TBC1D9B: variants seen among roughly 807,000 people sequenced by gnomAD.
The protein encoded by TBC1D9B is TBC1 domain family member 9B, also known as TBC1 domain family, member 9B (with GRAM domain).
A neutral mutation model predicts 121.1 loss-of-function variants in TBC1D9B; 87 were observed. The observed-to-expected ratio is 0.72, with a 90% CI of 0.60 to 0.86. The LOEUF is 0.86. Ranked by LOEUF, TBC1D9B falls within the 40% of genes least tolerant of loss-of-function variation. The probability of loss-of-function intolerance (pLI) is 0.00; values close to 1 mark genes in which losing one functional copy is unlikely to be tolerated. For missense variants in TBC1D9B, 1,540 were observed against 1,628.6 expected (o/e 0.95, Z 0.94); for synonymous variants, 668 against 670.1 (o/e 1.00, Z 0.05).
rs79804211 is a variant in TBC1D9B at position 179,903,330 on chromosome 5, G to A, written c.229+1372C>T. Among the ~76,000 whole-genome samples, 207 of 152,362 alleles carry A rather than the reference G, an allele frequency of 1.4e-3. 1 individual carries two copies. Among genetic ancestry groups the A allele is most frequent in the Non-Finnish European group, 2.4e-3 (160 of 68,042 alleles). ...GGCACACAGGAAGCACTGTCTGAGC[G>A]TCAGCTAGGACTGTCATTTTCTCAG... On this transcript the variant is annotated intron_variant, in intron 2 of 20. Transcript: ENST00000355235.
chr5:179,876,999 A>C (rs1372666504), intron 10 of TBC1D9B, among the ~76,000 whole-genome samples: 1 of 139,784 alleles, frequency 7.2e-6, no homozygotes, highest in Non-Finnish European at 1.5e-5. Flanking sequence ...TGAGCCCAGT[A>C]GGTGGAGGCT....
At chr5:179,867,327 A>C (rs1008795256) in intron 18 of TBC1D9B, 3 of 1,173,024 alleles carry the variant, frequency 2.6e-6, no homozygotes, top group Non-Finnish European at 2.4e-6. Context: ...CTCAGAACTT[A>C]TGCCCCAGAG....
rs766494554 is a variant in TBC1D9B at position 179,875,204 on chromosome 5, C to T, written c.1901-17G>A. 1.1e-5 allele frequency: 17 copies of T among 1,609,062 alleles called. No homozygotes were observed. Among genetic ancestry groups the T allele is most frequent in the African/African-American group, 2.7e-5 (2 of 74,858 alleles). On this transcript the variant is annotated splice_polypyrimidine_tract_variant and intron_variant, in intron 11 of 20. Transcript: ENST00000355235. The surrounding 1 kb of genome is among the most constrained non-coding windows in gnomAD (Gnocchi z 4.5). The stretch of plus-strand genomic sequence containing the variant: ...CCAGGGCTCCTGCGGGCAGGATGAG[C>T]GAGGCTGATGGTGAGCCCACCCTGT...
In TBC1D9B at chr5:179,893,232, G is replaced by C; in HGVS notation, c.813C>G (p.His271Gln). ...ACCGCTTCAGGGCTGAGATGTTCCTGTGTGGCCGGATGGGCCTAGGCAGGG... is the reference window on the plus strand; with the variant it reads ...ACCGCTTCAGGGCTGAGATGTTCCTCTGTGGCCGGATGGGCCTAGGCAGGG... ...DKALPRPIRP[H>Q]RNISALKRDL... The change falls in exon 5 of 21, where the codon CAC becomes CAG. Residue 271 changes from histidine (H) to glutamine (Q), a missense_variant. Transcript: ENST00000355235. The C allele has an allele frequency of 6.2e-7, 1 of 1,611,850 alleles. No homozygotes were observed. The highest frequency in any genetic ancestry group is 8.5e-7 in the Non-Finnish European group (1 of 1,179,348).
rs573203001 is a variant in TBC1D9B, at chr5:179,893,152, C to T, written c.836+57G>A. ...CACACTTGGACCAGGCAGGTCCCAGCCAAGGTCAGCGAACCTGGCTCACAT... is the reference window on the plus strand; with the variant it reads ...CACACTTGGACCAGGCAGGTCCCAGTCAAGGTCAGCGAACCTGGCTCACAT... On this transcript the variant is annotated intron_variant, in intron 5 of 20. Transcript: ENST00000355235. The T allele has an allele frequency of 8.9e-4, 1,376 of 1,541,928 alleles. 1 individual carries two copies. The highest frequency in any genetic ancestry group is 1.2e-3 in the Admixed American group (66 of 54,300).
intron 7 of TBC1D9B, 35 bp from the exon 8 acceptor site, chr5:179,879,824 A>AAC (rs1363635234): frequency 1.9e-6 from 3 of 1,569,552 alleles, no homozygotes; most frequent in Non-Finnish European, 2.6e-6. Context: ...ACGCCCTAAC[A>AAC]ACTGTGCTGC....
chr5:179,898,744 T>C (rs564534792), intron 3 of TBC1D9B, among the ~76,000 whole-genome samples: 2 of 152,242 alleles, frequency 1.3e-5, no homozygotes, highest in Non-Finnish European at 2.9e-5. Context: ...CCACCACACC[T>C]GGCCCTTTAA....
intron 9 of TBC1D9B, 66 bp downstream of exon 9, chr5:179,878,981 T>TCA: frequency 6.4e-7 from 1 of 1,561,768 alleles, no homozygotes; most frequent in Non-Finnish European, 8.6e-7. Context: ...ACAGACGAGC[T>TCA]CACACGGGGA....
At position 179,865,960 on chromosome 5, in the gene TBC1D9B, T is replaced by C; in HGVS notation, c.2864-72A>G. 1 of 1,574,368 alleles carries C rather than the reference T, an allele frequency of 6.4e-7. No homozygotes were observed. ...TGGGACTGCAAGCTCCTGGGGTCCTTGAGATGTAGTCTGTGTTTCTGTACA... is the reference window on the plus strand; with the variant it reads ...TGGGACTGCAAGCTCCTGGGGTCCTCGAGATGTAGTCTGTGTTTCTGTACA... On this transcript the variant is annotated intron_variant, in intron 18 of 20. Transcript: ENST00000355235. The surrounding 1 kb of genome is among the most constrained non-coding windows in gnomAD (Gnocchi z 5.1).
At chr5:179,870,529 G>A (rs754553404) in intron 15 of TBC1D9B, 34 bp from the exon 16 acceptor site, 52 of 1,580,516 alleles carry the variant, frequency 3.3e-5, no homozygotes, top group African/African-American at 8.1e-5. Context: ...CGGTCCAGCC[G>A]CTAAGCCTGT....
chr5:179,870,899 C>T (rs1179839833), intron 15 of TBC1D9B, among the ~76,000 whole-genome samples: 3 of 152,164 alleles, frequency 2.0e-5, no homozygotes, highest in South Asian at 2.1e-4. Flanking sequence ...ACCTTGAGCA[C>T]GGAACCTGAG....
intron 20 of TBC1D9B, 120 bp from the exon 21 acceptor site, chr5:179,864,248 A>C: frequency 9.9e-7 from 1 of 1,005,368 alleles, no homozygotes; most frequent in African/African-American, 1.6e-5. Flanking sequence ...CTTGCTAATC[A>C]TCTCCATGAG....
At chr5:179,881,268 C>A (rs1189328510) in intron 7 of TBC1D9B, among the ~76,000 whole-genome samples, 1 of 152,166 alleles carries the variant, frequency 6.6e-6, no homozygotes, top group Non-Finnish European at 1.5e-5. Flanking sequence ...CCCCTCTTCC[C>A]CGAGGTAACC....
Position 179,878,538 on chromosome 5 carries a change from G to A in TBC1D9B, c.1568-15C>T, listed in dbSNP as rs371161432. The A allele has an allele frequency of 2.1e-4, 336 of 1,582,858 alleles. No homozygotes were observed. Among genetic ancestry groups the A allele is most frequent in the Non-Finnish European group, 2.7e-4 (311 of 1,162,766 alleles). ...ATTCCAGGCCCCTGGGGAGACACGGGTGCCAGCTGTCTCTGTCCTTCTTCT... is the reference window on the plus strand; with the variant it reads ...ATTCCAGGCCCCTGGGGAGACACGGATGCCAGCTGTCTCTGTCCTTCTTCT... On this transcript the variant is annotated splice_polypyrimidine_tract_variant and intron_variant, in intron 9 of 20. Transcript: ENST00000355235.
chr5:179,906,659 C>T (rs1266233549), intron 1 of TBC1D9B, among the ~76,000 whole-genome samples: 1 of 152,182 alleles, frequency 6.6e-6, no homozygotes, highest in Non-Finnish European at 1.5e-5. Flanking sequence ...ATCCTTGAAG[C>T]CCACTGGGAG....
rs1044172336 is a variant in TBC1D9B, at chr5:179,865,243, G to A, written c.3021+11C>T. On this transcript the variant is annotated intron_variant, in intron 20 of 20. Coordinates refer to ENST00000355235, the MANE Select transcript of TBC1D9B (RefSeq NM_015043.4). The surrounding 1 kb of genome is among the most constrained non-coding windows in gnomAD (Gnocchi z 5.1). ...CCAGAAATGTCTACTGTGGGCTCCA[G>A]TGGAGCCTACCTGGTTCATCTTGGG... 2 of 1,611,288 alleles carry A rather than the reference G, an allele frequency of 1.2e-6. No individual in the cohort carries two copies. The highest frequency in any genetic ancestry group is 2.7e-5 in the African/African-American group (2 of 74,886).
At chr5:179,873,026 C>T (rs753020689) in intron 13 of TBC1D9B, 36 bp from the exon 14 acceptor site, 20 of 1,613,858 alleles carry the variant, frequency 1.2e-5, no homozygotes, top group East Asian at 1.1e-4. Context: ...ATCAAGCCAA[C>T]TGCAGGGCAG....
intron 18 of TBC1D9B, 193 bp downstream of exon 18, chr5:179,867,585 G>T: frequency 6.6e-7 from 1 of 1,516,472 alleles, no homozygotes. Flanking sequence ...ACAGGAGTGA[G>T]GACATCCACA....
At chr5:179,893,804 G>A (rs140843085) in intron 4 of TBC1D9B, among the ~76,000 whole-genome samples, 4 of 152,212 alleles carry the variant, frequency 2.6e-5, no homozygotes, top group East Asian at 3.9e-4. Context: ...AGCACAGCGC[G>A]GCCAACACAG....
Sources: allele counts gnomAD v4.1 joint callset (sites outside exome capture counted in the v4.1 genomes callset), GRCh38; gene constraint gnomAD v4.1.1; non-coding constraint Gnocchi (gnomAD v3.1); transcripts MANE v1.5; gene names NCBI Gene and HGNC (gene_info 2026-07-23, HGNC 2026-07-21).